The following XIRP2 variants were observed in gnomAD, a reference collection of about 807,000 sequenced individuals.
The protein encoded by XIRP2 is xin actin binding repeat containing 2.
In XIRP2, 236 loss-of-function variants were observed where a neutral mutation model predicts 277.0. The observed-to-expected ratio is 0.85, with a 90% CI of 0.77 to 0.95. The LOEUF (loss-of-function observed/expected upper bound fraction) is 0.95, where lower values mean the gene tolerates loss of function less well. Among genes scored for constraint, XIRP2 ranks in the 40% least tolerant of loss-of-function variants. The pLI, the probability that XIRP2 is intolerant of heterozygous loss-of-function variation, is 0.00. For missense variants in XIRP2, 4,640 were observed against 4,157.5 expected, an observed-to-expected ratio of 1.12 and a Z score of -3.19; for synonymous variants, 1,490 against 1,416.5, an observed-to-expected ratio of 1.05 and a Z score of -1.17.
At chr2:167,200,131 A>C (rs1284980257) in intron 3 of XIRP2, among the ~76,000 whole-genome samples, 1 of 152,224 alleles carries the variant, frequency 6.6e-6, no homozygotes, top group East Asian at 1.9e-4. Flanking sequence ...CAATATATTT[A>C]GGGGTTTTCC....
rs1252293156 is a variant in XIRP2 at position 166,896,337 on chromosome 2, G to T, written c.-18-7128G>T. On this transcript the variant is annotated intron_variant, in intron 1 of 10. Coordinates refer to ENST00000409195, the MANE Select transcript of XIRP2 (RefSeq NM_152381.6). ...AGAAGGCATTATTATCAGTGGAGAT[G>T]ACCGCTCCGTTTCATGTTCATGCCC... Among the ~76,000 whole-genome samples the T allele has an allele frequency of 4.6e-5, 7 of 152,254 alleles. 1 individual carries two copies. The highest frequency in any genetic ancestry group is 1.7e-4 in the African/African-American group (7 of 41,556).
Position 166,937,588 on chromosome 2 carries a change from A to G in XIRP2, c.408+33698A>G, listed in dbSNP as rs546057281. ...TGTTGTGTCTCTGTCAGACTTTGGT[A>G]TCAGGATGATGCTGGCCTCATAAAA... On this transcript the variant is annotated intron_variant, in intron 2 of 10. Coordinates refer to ENST00000409195, the MANE Select transcript of XIRP2 (RefSeq NM_152381.6). Among the ~76,000 whole-genome samples the G allele has an allele frequency of 7.2e-5, 11 of 152,268 alleles. No homozygotes were observed. In the South Asian group the frequency reaches 8.3e-4, roughly 11 times the overall value.
intron 3 of XIRP2, among the ~76,000 whole-genome samples, chr2:167,145,073 AT>A (rs953621778): frequency 6.6e-6 from 1 of 152,146 alleles, no homozygotes; most frequent in Non-Finnish European, 1.5e-5. Context: ...TTTTTTGCTT[AT>A]GCCATGCCAA....
At chr2:166,906,494 A>G (rs1173447438) in intron 2 of XIRP2, among the ~76,000 whole-genome samples, 2 of 152,120 alleles carry the variant, frequency 1.3e-5, no homozygotes, top group Admixed American at 6.6e-5. Flanking sequence ...GTACATTACA[A>G]TAGACATTAT....
At chr2:166,932,215 TC>T (rs1685361659) in intron 2 of XIRP2, among the ~76,000 whole-genome samples, 1 of 150,370 alleles carries the variant, frequency 6.7e-6, no homozygotes, top group Non-Finnish European at 1.5e-5. Flanking sequence ...TCTCTCTCTC[TC>T]TTTTTTTTTT....
In XIRP2 at chr2:167,251,470, A is replaced by G; in HGVS notation, c.10078A>G (p.Thr3360Ala). Residue 3360 changes from threonine (T) to alanine (A), a missense_variant, in exon 9 of 11, where the codon ACA (threonine) becomes GCA (alanine). Thr to Ala is a moderately conservative substitution (Grantham distance 58, BLOSUM62 0). Coordinates refer to ENST00000409195, the MANE Select transcript of XIRP2 (RefSeq NM_152381.6). ...SNRRVYAKGE[T>A]NHNIQQESRT... ...TAGAAGAGTTTATGCAAAGGGAGAA[A>G]CAAACCATAACATACAACAAGAAAG... 6.2e-7 allele frequency: 1 copy of G among 1,613,650 alleles called. No individual in the cohort carries two copies. Among genetic ancestry groups the G allele is most frequent in the Non-Finnish European group, 8.5e-7 (1 of 1,179,680 alleles).
At chr2:167,210,593 C>A in intron 3 of XIRP2, 142 bp from the exon 4 acceptor site, 1 of 1,165,894 alleles carries the variant, frequency 8.6e-7, no homozygotes, top group Non-Finnish European at 1.2e-6. Context: ...AGGAGATGAC[C>A]ATGAGACATT....
chr2:167,255,501 A>G (rs1350381643), intron 10 of XIRP2, among the ~76,000 whole-genome samples: 1 of 151,810 alleles, frequency 6.6e-6, no homozygotes, highest in Non-Finnish European at 1.5e-5. Flanking sequence ...TTTCTGCCCC[A>G]TAAATACCTC....
intron 3 of XIRP2, among the ~76,000 whole-genome samples, chr2:167,192,680 C>G (rs1393668221): frequency 6.6e-6 from 1 of 152,082 alleles, no homozygotes; most frequent in African/African-American, 2.4e-5. Flanking sequence ...TAAAATCCAC[C>G]ACCTCTGCTT....
At chr2:167,075,377 G>T (rs1362129836) in intron 2 of XIRP2, among the ~76,000 whole-genome samples, 1 of 152,112 alleles carries the variant, frequency 6.6e-6, no homozygotes, top group Non-Finnish European at 1.5e-5. Flanking sequence ...GGAAAATGGG[G>T]TCGCCATTTG....
intron 2 of XIRP2, among the ~76,000 whole-genome samples, chr2:166,933,337 A>G (rs1316355360): frequency 1.3e-5 from 2 of 151,588 alleles, no homozygotes; most frequent in African/African-American, 2.4e-5. Flanking sequence ...TTTAGTAGAG[A>G]TGGGGTTTTG....
chr2:166,980,136 A>G (rs945764862), intron 2 of XIRP2, among the ~76,000 whole-genome samples: 2 of 152,108 alleles, frequency 1.3e-5, no homozygotes, highest in African/African-American at 4.8e-5. Flanking sequence ...TAGAGTTTTT[A>G]TTGAATTTCC....
chr2:167,071,077 A>C (rs1380835901), intron 2 of XIRP2, among the ~76,000 whole-genome samples: 1 of 152,158 alleles, frequency 6.6e-6, no homozygotes, highest in Non-Finnish European at 1.5e-5. Context: ...TTTTACCAAA[A>C]TTTATCTCAA....
At chr2:167,240,595 T>TACA in intron 6 of XIRP2, 69 bp from the exon 7 acceptor site, 1 of 1,290,414 alleles carries the variant, frequency 7.7e-7, no homozygotes, top group Non-Finnish European at 1.1e-6. Context: ...AAATGAAGAG[T>TACA]ATTATTTGTA....
chr2:167,051,820 A>G (rs1266841153), intron 2 of XIRP2, among the ~76,000 whole-genome samples: 1 of 152,126 alleles, frequency 6.6e-6, no homozygotes, highest in Non-Finnish European at 1.5e-5. Flanking sequence ...CGAATGATTC[A>G]GTAAGTTATA....
At chr2:167,229,301 T>C (rs1377068248) in intron 5 of XIRP2, among the ~76,000 whole-genome samples, 2 of 152,186 alleles carry the variant, frequency 1.3e-5, no homozygotes, top group African/African-American at 2.4e-5. Context: ...TGTATAATTA[T>C]ATAAAATAGA....
chr2:167,197,310 A>G (rs946300769), intron 3 of XIRP2, among the ~76,000 whole-genome samples: 2 of 152,226 alleles, frequency 1.3e-5, no homozygotes, highest in Non-Finnish European at 2.9e-5. Flanking sequence ...AAAGTAGGAG[A>G]GAGAAAGTAA....
chr2:167,245,061 C>T lies in XIRP2; in HGVS notation c.3669C>T (p.Ile1223=). 1 of 1,610,408 alleles carries T rather than the reference C, an allele frequency of 6.2e-7. No homozygotes were observed. Among genetic ancestry groups the T allele is most frequent in the Non-Finnish European group, 8.5e-7 (1 of 1,179,014 alleles). ...GTTCAGAGGAAGTTTTGAAAAAGATCAAAACCTTAAAAACTGAAGATATTC... is the reference window on the plus strand; with the variant it reads ...GTTCAGAGGAAGTTTTGAAAAAGATTAAAACCTTAAAAACTGAAGATATTC... ...SSSSEEVLKK[I]KTLKTEDIQK... Residue 1223 remains isoleucine, a synonymous_variant, in exon 9 of 11, where the codon ATC becomes ATT. Transcript: ENST00000409195.
At chr2:166,975,930 C>CAAAAAAAAAAAAAAAAAAA (rs550529718) in intron 2 of XIRP2, among the ~76,000 whole-genome samples, 4 of 45,710 alleles carry the variant, frequency 8.8e-5, no homozygotes, top group African/African-American at 1.6e-4. Flanking sequence ...GACTCCGTCT[C>CAAAAAAAAAAAAAAAAAAA]AAAAAAAAAA....
Sources: allele counts gnomAD v4.1 joint callset (sites outside exome capture counted in the v4.1 genomes callset), GRCh38; gene constraint gnomAD v4.1.1; transcripts MANE v1.5; gene names NCBI Gene and HGNC (gene_info 2026-07-23, HGNC 2026-07-21).